The following INPP5A variants were observed in gnomAD, a reference collection of about 807,000 sequenced individuals.
INPP5A encodes inositol polyphosphate-5-phosphatase A, also known as 43 kDa inositol polyphosphate 5-phophatase.
In INPP5A, 14 loss-of-function variants were observed where a neutral mutation model predicts 65.2. That is an observed-to-expected ratio of 0.21 (90% CI 0.14 to 0.34). INPP5A has a LOEUF of 0.34. INPP5A is among the 10% of genes least tolerant of loss of function. INPP5A has a pLI of 1.00. For synonymous variants in INPP5A, 207 were observed against 208.3 expected, an observed-to-expected ratio of 0.99 and a Z score of 0.05; for missense variants, 431 against 545.6, an observed-to-expected ratio of 0.79 and a Z score of 2.09.
intron 8 of INPP5A, among the ~76,000 whole-genome samples, chr10:132,724,699 C>T (rs1241024525): frequency 3.3e-5 from 5 of 150,202 alleles, no homozygotes; most frequent in Non-Finnish European, 5.9e-5. Flanking sequence ...CCATATTCAC[C>T]GCAGATGGGG....
intron 9 of INPP5A, among the ~76,000 whole-genome samples, chr10:132,732,701 C>G (rs1846107454): frequency 6.6e-6 from 1 of 152,166 alleles, no homozygotes; most frequent in Non-Finnish European, 1.5e-5. Flanking sequence ...CCCTGAGGCC[C>G]AGGGCAGGGG....
At chr10:132,592,389 C>CT (rs1357124765) in intron 1 of INPP5A, among the ~76,000 whole-genome samples, 1 of 150,860 alleles carries the variant, frequency 6.6e-6, no homozygotes, top group African/African-American at 2.4e-5. Context: ...AAAACAAAAT[C>CT]TAAGTGGGGC....
chr10:132,580,038 C>A (rs945401073), intron 1 of INPP5A, among the ~76,000 whole-genome samples: 1 of 151,544 alleles, frequency 6.6e-6, no homozygotes, highest in Admixed American at 6.6e-5. Flanking sequence ...CTGGCAGGGG[C>A]TTTGCTGGCA....
At chr10:132,646,619 T>G (rs2133392736) in intron 3 of INPP5A, among the ~76,000 whole-genome samples, 1 of 152,286 alleles carries the variant, frequency 6.6e-6, no homozygotes, top group Non-Finnish European at 1.5e-5. Context: ...GCCCTCTGTG[T>G]CCCCTACAGT....
In INPP5A at chr10:132,782,117, C is replaced by T. The variant is rs1256826860; in HGVS notation, c.*88C>T. ...ACCGAATACGCACTCTTGAAAGCTGCATCGAGAACCCGCCCAAGCGCCACC... is the reference window on the plus strand; with the variant it reads ...ACCGAATACGCACTCTTGAAAGCTGTATCGAGAACCCGCCCAAGCGCCACC... On this transcript the variant is annotated 3_prime_UTR_variant, in exon 16 of 16. Transcript: ENST00000368594. The surrounding 1 kb of genome is among the most constrained non-coding windows in gnomAD (Gnocchi z 4.4). The T allele has an allele frequency of 2.6e-6, 4 of 1,532,578 alleles. No individual in the cohort carries two copies. In the African/African-American group the frequency reaches 5.5e-5, roughly 21 times the overall value. 94.9% of individuals were successfully genotyped at this position (1,532,578 alleles called of 1,614,324 possible).
At chr10:132,770,868 G>A (rs1846936411) in intron 12 of INPP5A, among the ~76,000 whole-genome samples, 1 of 152,138 alleles carries the variant, frequency 6.6e-6, no homozygotes, top group Non-Finnish European at 1.5e-5. Context: ...CACCCAGTGC[G>A]AGCAGCACCT....
At chr10:132,691,923 G>GGA (rs1845273227) in intron 5 of INPP5A, among the ~76,000 whole-genome samples, 1 of 151,038 alleles carries the variant, frequency 6.6e-6, no homozygotes, top group African/African-American at 2.4e-5. Context: ...TGTGGTCGCG[G>GGA]GGTGTGCGGT....
chr10:132,687,609 G>T (rs1466904013), intron 4 of INPP5A, among the ~76,000 whole-genome samples: 1 of 152,236 alleles, frequency 6.6e-6, no homozygotes, highest in African/African-American at 2.4e-5. Context: ...CTAGACAGAA[G>T]GTCCCTGTCA....
rs527336678 is a variant in INPP5A, at chr10:132,632,902, C to T, written c.118-12966C>T. Among the ~76,000 whole-genome samples, 169 of 152,334 alleles carry T rather than the reference C, an allele frequency of 1.1e-3. 1 individual carries two copies. Among genetic ancestry groups the T allele is most frequent in the Admixed American group, 2.6e-3 (40 of 15,308 alleles). On this transcript the variant is annotated intron_variant, in intron 2 of 15. Coordinates refer to ENST00000368594, the MANE Select transcript of INPP5A (RefSeq NM_005539.5). ...CTCTCCTACCCCAGGTTCAGTGATGCCACATCGGTGGCTTAGCGTTGGCCA... is the reference window on the plus strand; with the variant it reads ...CTCTCCTACCCCAGGTTCAGTGATGTCACATCGGTGGCTTAGCGTTGGCCA...
Position 132,753,978 on chromosome 10 carries a change from G to A in INPP5A, c.903+4133G>A, listed in dbSNP as rs375994626. 6.6e-6 allele frequency: 1 copy of A among 152,244 alleles called. No homozygotes were observed. Among genetic ancestry groups the A allele is most frequent in the African/African-American group, 2.4e-5 (1 of 41,470 alleles). 9.4% of individuals were successfully genotyped at this position (152,244 alleles called of 1,614,324 possible). On this transcript the variant is annotated intron_variant, in intron 11 of 15. Transcript: ENST00000368594. This position sits in a 1 kb window ranked among gnomAD's most constrained non-coding sequence, Gnocchi z 5.3. Reference sequence around the variant, plus strand: ...TACAAATTATCAATTCAACAGCAACGTGCGCAGTTTCTAATCAGAAACCTC... The same window carrying A: ...TACAAATTATCAATTCAACAGCAACATGCGCAGTTTCTAATCAGAAACCTC...
chr10:132,573,958 T>C lies in INPP5A; in HGVS notation c.76-33957T>C, dbSNP rs536039674. Among the ~76,000 whole-genome samples the C allele has an allele frequency of 1.5e-3, 210 of 136,080 alleles. 3 individuals are homozygous for C. The highest frequency in any genetic ancestry group is 3.4e-3 in the Admixed American group (47 of 13,754). 89.3% of individuals were successfully genotyped at this position (136,080 alleles called of 152,430 possible). A position where few individuals can be genotyped will look rare whatever the true frequency, so the allele number is the denominator to read the frequency against. ...TGTTGATGTTGAGGTGTGTGTGCCG[T>C]GTGAGGTTTTGTTGAGATGTTGGGG... On this transcript the variant is annotated intron_variant, in intron 1 of 15. Transcript: ENST00000368594.
intron 12 of INPP5A, among the ~76,000 whole-genome samples, chr10:132,776,853 T>C (rs1398313899): frequency 6.6e-6 from 1 of 151,666 alleles, no homozygotes; most frequent in Non-Finnish European, 1.5e-5. Context: ...GGCTCCAGGC[T>C]GGTGGGGGAG....
At chr10:132,744,539 TA>T (rs1025388795) in intron 9 of INPP5A, among the ~76,000 whole-genome samples, 2 of 152,198 alleles carry the variant, frequency 1.3e-5, no homozygotes, top group Admixed American at 1.3e-4. Flanking sequence ...CCGGCTCCTT[TA>T]GGGGGTCTCA....
chr10:132,610,419 C>T (rs1040917552), intron 2 of INPP5A, among the ~76,000 whole-genome samples: 4 of 152,238 alleles, frequency 2.6e-5, no homozygotes, highest in African/African-American at 4.8e-5. Flanking sequence ...GGCCTAGCTC[C>T]GGGCCTGCAC....
At chr10:132,767,584 CAG>C (rs921162038) in intron 12 of INPP5A, among the ~76,000 whole-genome samples, 8 of 152,324 alleles carry the variant, frequency 5.3e-5, no homozygotes, top group African/African-American at 1.9e-4. Flanking sequence ...CAGGAAGCCT[CAG>C]GGGATCTCGG....
At chr10:132,631,829 A>G (rs992164340) in intron 2 of INPP5A, among the ~76,000 whole-genome samples, 1 of 152,262 alleles carries the variant, frequency 6.6e-6, no homozygotes, top group African/African-American at 2.4e-5. Context: ...GGACACTATA[A>G]TAAAACAACC....
intron 8 of INPP5A, among the ~76,000 whole-genome samples, chr10:132,718,592 A>G (rs1305760479): frequency 0.012 from 815 of 65,330 alleles, no homozygotes; most frequent in Middle Eastern, 0.053. Context: ...GGTTCTGTCT[A>G]GGCACCTTAG....
rs544609546 is a variant in INPP5A at position 132,680,319 on chromosome 10, G to A, written c.307-10073G>A. 8.5e-5 allele frequency among the ~76,000 whole-genome samples: 13 copies of A among 152,324 alleles called. No homozygotes were observed. The East Asian group carries it at 1.7e-3, about 20-fold the overall frequency. On this transcript the variant is annotated intron_variant, in intron 4 of 15. Transcript: ENST00000368594. ...GAATAGGCGTCTTCCCTCCAAGGACGGCGTGGAGACGGCCGATAAGTACAC... is the reference window on the plus strand; with the variant it reads ...GAATAGGCGTCTTCCCTCCAAGGACAGCGTGGAGACGGCCGATAAGTACAC...
chr10:132,679,216 C>T (rs182003476), intron 4 of INPP5A, among the ~76,000 whole-genome samples: 54 of 152,256 alleles, frequency 3.5e-4, no homozygotes, highest in South Asian at 2.1e-3. Flanking sequence ...TTCTGTAATC[C>T]GTAGAACCTG....
Sources: gnomAD v4.1 joint callset for allele counts (sites outside exome capture counted in the v4.1 genomes callset) on GRCh38, gnomAD v4.1.1 for gene constraint, Gnocchi (gnomAD v3.1) non-coding constraint, MANE v1.5 for transcripts, NCBI Gene and HGNC (gene_info 2026-07-23, HGNC 2026-07-21) for gene names.